ADCY2: variants seen among roughly 807,000 people sequenced by gnomAD.
The protein encoded by ADCY2 is adenylate cyclase 2.
Under a neutral mutation model 125.2 loss-of-function variants are expected in ADCY2, and 31 were observed. The observed-to-expected ratio is 0.25, with a 90% CI of 0.19 to 0.33. The LOEUF (loss-of-function observed/expected upper bound fraction) is 0.33, where lower values mean the gene tolerates loss of function less well. Among genes scored for constraint, ADCY2 ranks in the 10% least tolerant of loss-of-function variants. The probability of loss-of-function intolerance (pLI) is 1.00; values close to 1 mark genes in which losing one functional copy is unlikely to be tolerated. For missense variants in ADCY2, 904 were observed against 1,418.2 expected (o/e 0.64, Z 5.82); for synonymous variants, 512 against 548.4 (o/e 0.93, Z 0.93).
At chr5:7,673,587 G>GCATA (rs1428812740) in intron 4 of ADCY2, among the ~76,000 whole-genome samples, 1 of 152,154 alleles carries the variant, frequency 6.6e-6, no homozygotes, top group Non-Finnish European at 1.5e-5. Flanking sequence ...CCTGCAGGAT[G>GCATA]CATAGCAGCA....
At chr5:7,418,755 A>C (rs1740066507) in intron 2 of ADCY2, among the ~76,000 whole-genome samples, 1 of 139,600 alleles carries the variant, frequency 7.2e-6, no homozygotes, top group Non-Finnish European at 1.5e-5. Context: ...TCCTGGGTTC[A>C]AGCAGTTCTC....
intron 2 of ADCY2, among the ~76,000 whole-genome samples, chr5:7,425,558 A>T (rs1740356122): frequency 6.6e-6 from 1 of 152,252 alleles, no homozygotes; most frequent in Non-Finnish European, 1.5e-5. Flanking sequence ...CTCAGGAAAA[A>T]ATAAATTCAG....
chr5:7,644,525 G>A (rs1220230533), intron 4 of ADCY2, among the ~76,000 whole-genome samples: 1 of 152,118 alleles, frequency 6.6e-6, no homozygotes, highest in African/African-American at 2.4e-5. Context: ...TAGTCACCCT[G>A]TCTGGATTAT....
chr5:7,742,388 C>A (rs571507787), intron 14 of ADCY2, among the ~76,000 whole-genome samples: 2 of 152,262 alleles, frequency 1.3e-5, no homozygotes, highest in African/African-American at 4.8e-5. Flanking sequence ...TATATACACA[C>A]CCTCCCGCAG....
intron 3 of ADCY2, among the ~76,000 whole-genome samples, chr5:7,582,333 C>T (rs948688901): frequency 1.4e-4 from 21 of 151,936 alleles, no homozygotes; most frequent in Admixed American, 1.1e-3. Flanking sequence ...TTAAGATGAA[C>T]CAGTGATACT....
intron 3 of ADCY2, among the ~76,000 whole-genome samples, chr5:7,600,801 G>A (rs892349751): frequency 5.9e-5 from 9 of 152,168 alleles, no homozygotes; most frequent in Non-Finnish European, 1.0e-4. Flanking sequence ...TGATAGATTA[G>A]CAGAAAATGG....
chr5:7,682,839 A>G lies in ADCY2; in HGVS notation c.721-7852A>G, dbSNP rs571412059. 4.6e-5 allele frequency among the ~76,000 whole-genome samples: 7 copies of G among 152,360 alleles called. No individual in the cohort carries two copies. The East Asian group carries it at 1.3e-3, about 29-fold the overall frequency. ...TGAGAATTAAAACTTTGGAGAATAT[A>G]GACAACAATAATTTGCATGTAGGAT... On this transcript the variant is annotated intron_variant, in intron 4 of 24. Transcript: ENST00000338316.
chr5:7,533,045 T>A (rs1411930063), intron 3 of ADCY2, among the ~76,000 whole-genome samples: 1 of 149,636 alleles, frequency 6.7e-6, no homozygotes, highest in Non-Finnish European at 1.5e-5. Context: ...ATATAAACAT[T>A]TGATATATAT....
intron 18 of ADCY2, among the ~76,000 whole-genome samples, chr5:7,780,797 A>G (rs1346794863): frequency 6.7e-6 from 1 of 149,730 alleles, no homozygotes; most frequent in East Asian, 1.9e-4. Flanking sequence ...TTTTTACTCC[A>G]TCTGAAGTGT....
intron 18 of ADCY2, among the ~76,000 whole-genome samples, chr5:7,779,617 C>T (rs1743851903): frequency 6.6e-6 from 1 of 152,154 alleles, no homozygotes. Flanking sequence ...TCTGACCTGC[C>T]ACTGCCTCCG....
chr5:7,402,868 C>T (rs1440979757), intron 1 of ADCY2, among the ~76,000 whole-genome samples: 2 of 152,058 alleles, frequency 1.3e-5, no homozygotes, highest in South Asian at 2.1e-4. Flanking sequence ...GGGAGAGTCC[C>T]GTGAATAAAT....
At chr5:7,456,134 T>C (rs962817018) in intron 2 of ADCY2, among the ~76,000 whole-genome samples, 1 of 151,936 alleles carries the variant, frequency 6.6e-6, no homozygotes, top group Non-Finnish European at 1.5e-5. Context: ...ATATTTATAG[T>C]TTATAAAATA....
intron 4 of ADCY2, among the ~76,000 whole-genome samples, chr5:7,634,274 C>T (rs1579258509): frequency 6.6e-6 from 1 of 152,274 alleles, no homozygotes; most frequent in Middle Eastern, 3.4e-3. Flanking sequence ...ACCGAGGTAT[C>T]CATTTATATC....
intron 2 of ADCY2, among the ~76,000 whole-genome samples, chr5:7,430,599 CA>C (rs1186798562): frequency 1.4e-5 from 2 of 145,084 alleles, no homozygotes; most frequent in Non-Finnish European, 3.0e-5. Context: ...ATAACATGAA[CA>C]AATGTAGTTT....
At chr5:7,751,678 A>G (rs137910526) in intron 15 of ADCY2, among the ~76,000 whole-genome samples, 1 of 152,160 alleles carries the variant, frequency 6.6e-6, no homozygotes, top group African/African-American at 2.4e-5. Context: ...TTCTTTGTAC[A>G]GAAAGTATAG....
chr5:7,634,117 A>G (rs1738413794), intron 4 of ADCY2, among the ~76,000 whole-genome samples: 1 of 152,176 alleles, frequency 6.6e-6, no homozygotes, highest in South Asian at 2.1e-4. Context: ...ATGCCTTTTA[A>G]TGGGGGGGAA....
At chr5:7,660,295 GGA>G (rs1164051886) in intron 4 of ADCY2, among the ~76,000 whole-genome samples, 11 of 137,910 alleles carry the variant, frequency 8.0e-5, no homozygotes, top group African/African-American at 2.3e-4. Context: ...AAGGAAGGAA[GGA>G]AGGACTGTGA....
At chr5:7,543,175 C>A (rs569965739) in intron 3 of ADCY2, among the ~76,000 whole-genome samples, 1 of 152,058 alleles carries the variant, frequency 6.6e-6, no homozygotes, top group Non-Finnish European at 1.5e-5. Flanking sequence ...ACATACAACA[C>A]GTATGTGGAG....
intron 4 of ADCY2, among the ~76,000 whole-genome samples, chr5:7,649,774 G>A (rs552960258): frequency 6.6e-6 from 1 of 152,264 alleles, no homozygotes; most frequent in Admixed American, 6.5e-5. Flanking sequence ...TTGAATTAAT[G>A]AATATCTCAA....
Sources: gnomAD v4.1 joint callset for allele counts (sites outside exome capture counted in the v4.1 genomes callset) on GRCh38, gnomAD v4.1.1 for gene constraint, MANE v1.5 for transcripts, NCBI Gene and HGNC (gene_info 2026-07-23, HGNC 2026-07-21) for gene names.